CACNA2D1: variants seen among roughly 807,000 people sequenced by gnomAD.
CACNA2D1 encodes the protein voltage-dependent calcium channel subunit alpha-2/delta-1.
CACNA2D1 carries 53 observed loss-of-function variants against 171.5 expected under a neutral mutation model. That is an observed-to-expected ratio of 0.31 (90% CI 0.25 to 0.39). The LOEUF is 0.39. Ranked by LOEUF, CACNA2D1 falls within the 10% of genes least tolerant of loss-of-function variation. CACNA2D1 has a pLI of 1.00. For missense variants in CACNA2D1, 903 were observed against 1,299.8 expected, an observed-to-expected ratio of 0.69 and a Z score of 4.69; for synonymous variants, 442 against 443.1, an observed-to-expected ratio of 1.00 and a Z score of 0.03.
chr7:82,037,250 G>A (rs377155558), intron 11 of CACNA2D1, among the ~76,000 whole-genome samples: 25 of 152,228 alleles, frequency 1.6e-4, no homozygotes, highest in African/African-American at 5.5e-4. Flanking sequence ...AGGCCAAGGC[G>A]GGTGGATCAC....
intron 1 of CACNA2D1, among the ~76,000 whole-genome samples, chr7:82,419,653 T>C (rs1161041233): frequency 6.6e-6 from 1 of 152,228 alleles, no homozygotes; most frequent in Non-Finnish European, 1.5e-5. Flanking sequence ...CCAATTTACC[T>C]GTTTTAATAG....
intron 3 of CACNA2D1, among the ~76,000 whole-genome samples, chr7:82,189,464 A>G (rs772050504): frequency 7.9e-5 from 12 of 151,982 alleles, no homozygotes; most frequent in Non-Finnish European, 1.5e-4. Context: ...TCTTAAATAC[A>G]AATATCTATG....
intron 1 of CACNA2D1, among the ~76,000 whole-genome samples, chr7:82,426,673 T>C (rs1214830013): frequency 6.6e-6 from 1 of 152,162 alleles, no homozygotes; most frequent in Non-Finnish European, 1.5e-5. Flanking sequence ...GAACTAATAT[T>C]GTCAAGGGAG....
rs1808826611 is a variant in CACNA2D1, at chr7:82,075,283, A to G, written c.659-8759T>C. 2.0e-5 allele frequency among the ~76,000 whole-genome samples: 3 copies of G among 152,192 alleles called. No individual in the cohort carries two copies. In the South Asian group the frequency reaches 6.2e-4, roughly 31 times the overall value. On this transcript the variant is annotated intron_variant, in intron 7 of 38. Coordinates refer to ENST00000356860, the MANE Select transcript of CACNA2D1 (RefSeq NM_000722.4). ...TAATACTGAAGATGCCAGATAACACACTTAAAGCATTTTTATTTAAAGGGG... is the reference window on the plus strand; with the variant it reads ...TAATACTGAAGATGCCAGATAACACGCTTAAAGCATTTTTATTTAAAGGGG...
intron 3 of CACNA2D1, among the ~76,000 whole-genome samples, chr7:82,240,996 C>T (rs965857514): frequency 6.6e-6 from 1 of 151,050 alleles, no homozygotes; most frequent in African/African-American, 2.4e-5. Context: ...TAAGGTCTTA[C>T]TTTAAAGGTG....
At chr7:82,136,249 T>C (rs1791587334) in intron 5 of CACNA2D1, among the ~76,000 whole-genome samples, 1 of 152,110 alleles carries the variant, frequency 6.6e-6, no homozygotes, top group Admixed American at 6.6e-5. Context: ...TTCTCCCTGG[T>C]GTGCAAAGTT....
intron 12 of CACNA2D1, among the ~76,000 whole-genome samples, chr7:82,018,838 G>A (rs901780001): frequency 2.0e-5 from 3 of 151,858 alleles, no homozygotes; most frequent in Admixed American, 2.0e-4. Context: ...ACAAAAATTA[G>A]CTGAGCATGG....
intron 5 of CACNA2D1, among the ~76,000 whole-genome samples, chr7:82,132,220 G>C (rs1023163005): frequency 1.3e-5 from 2 of 152,162 alleles, no homozygotes; most frequent in African/African-American, 4.8e-5. Flanking sequence ...CAAAGGGTTT[G>C]ATTATATTTA....
In CACNA2D1 at chr7:82,303,063, G is replaced by C. The variant is rs187989492; in HGVS notation, c.294+32072C>G. On this transcript the variant is annotated intron_variant, in intron 3 of 38. Coordinates refer to ENST00000356860, the MANE Select transcript of CACNA2D1 (RefSeq NM_000722.4). ...GGCTGGAGTGCAGTGGTGCGATCTC[G>C]GCTCACTGCAAGCTCCGCCTCCTGG... 8.2e-3 allele frequency among the ~76,000 whole-genome samples: 1,253 copies of C among 151,980 alleles called. 19 individuals are homozygous for C. Among genetic ancestry groups the C allele is most frequent in the African/African-American group, 0.028 (1,146 of 41,440 alleles).
chr7:81,970,036 A>C, intron 27 of CACNA2D1, 52 bp from the exon 28 acceptor site: 3 of 1,052,372 alleles, frequency 2.9e-6, no homozygotes, highest in Non-Finnish European at 4.5e-6. Flanking sequence ...CTGATAACCT[A>C]CTTTATCCTA....
chr7:82,252,690 G>A lies in CACNA2D1; in HGVS notation c.295-82081C>T, dbSNP rs182697652. 1.6e-4 allele frequency among the ~76,000 whole-genome samples: 24 copies of A among 152,272 alleles called. No homozygotes were observed. In the East Asian group the frequency reaches 4.6e-3, roughly 29 times the overall value. ...GCAGATCATGAGGTCAAGAGATCGA[G>A]ACCATCTGGGCCAACATGGTGAAAC... On this transcript the variant is annotated intron_variant, in intron 3 of 38. Transcript: ENST00000356860.
At chr7:82,228,449 G>C (rs929350) in intron 3 of CACNA2D1, among the ~76,000 whole-genome samples, 3,472 of 152,138 alleles carry the variant, frequency 0.023, 215 homozygotes, top group Admixed American at 0.13. Context: ...TGTGGTACTT[G>C]GTTATACATC....
Position 82,108,362 on chromosome 7 carries a change from T to C in CACNA2D1, c.526+8682A>G, listed in dbSNP as rs191218276. Among the ~76,000 whole-genome samples the C allele has an allele frequency of 3.8e-4, 58 of 152,268 alleles. No homozygotes were observed. The East Asian group carries it at 0.011, about 28-fold the overall frequency. ...TATCCTCATATCTGCATGTACTCAA[T>C]GAAAGAGAAGGATTCCTCTTCATCG... On this transcript the variant is annotated intron_variant, in intron 6 of 38. Coordinates refer to ENST00000356860, the MANE Select transcript of CACNA2D1 (RefSeq NM_000722.4).
chr7:82,216,848 T>C (rs1363494430), intron 3 of CACNA2D1, among the ~76,000 whole-genome samples: 1 of 137,844 alleles, frequency 7.3e-6, no homozygotes, highest in East Asian at 2.1e-4. Flanking sequence ...AAAATAGCTA[T>C]ACATTCTAAA....
At chr7:82,084,721 A>G (rs746635983) in intron 7 of CACNA2D1, 48 bp downstream of exon 7, 1 of 1,606,930 alleles carries the variant, frequency 6.2e-7, no homozygotes, top group Non-Finnish European at 8.5e-7. Flanking sequence ...TATTCTCCAG[A>G]AACATTGAGG....
chr7:82,197,693 A>C (rs4732434), intron 3 of CACNA2D1, among the ~76,000 whole-genome samples: 1 of 151,924 alleles, frequency 6.6e-6, no homozygotes, highest in Non-Finnish European at 1.5e-5. Flanking sequence ...ACCAGTTTTC[A>C]GAAGAATTAA....
intron 1 of CACNA2D1, among the ~76,000 whole-genome samples, chr7:82,408,174 C>T (rs1343474515): frequency 6.6e-6 from 1 of 151,974 alleles, no homozygotes; most frequent in Non-Finnish European, 1.5e-5. Context: ...GCACCCACCA[C>T]CATGCCCAGC....
intron 6 of CACNA2D1, among the ~76,000 whole-genome samples, chr7:82,106,840 G>A (rs1308038807): frequency 6.6e-6 from 1 of 152,088 alleles, no homozygotes; most frequent in Non-Finnish European, 1.5e-5. Flanking sequence ...ACTAGACAGT[G>A]TGCTAGGATT....
intron 3 of CACNA2D1, among the ~76,000 whole-genome samples, chr7:82,277,614 A>G (rs2129364691): frequency 6.6e-6 from 1 of 152,320 alleles, no homozygotes; most frequent in Middle Eastern, 3.4e-3. Flanking sequence ...TGATAGACCT[A>G]AAAGAAACCA....
Sources: allele counts gnomAD v4.1 joint callset (sites outside exome capture counted in the v4.1 genomes callset), GRCh38; gene constraint gnomAD v4.1.1; transcripts MANE v1.5; gene names NCBI Gene and HGNC (gene_info 2026-07-23, HGNC 2026-07-21).